Variants in AGBL4 observed in about 807,000 individuals in gnomAD.
AGBL4 encodes AGBL carboxypeptidase 4.
A neutral mutation model predicts 66.4 loss-of-function variants in AGBL4; 58 were observed. The observed-to-expected ratio is 0.87, with a 90% CI of 0.71 to 1.09. AGBL4 has a LOEUF of 1.09. AGBL4 is among the 50% of genes least tolerant of loss of function. The pLI, the probability that AGBL4 is intolerant of heterozygous loss-of-function variation, is 0.00. For synonymous variants in AGBL4, 234 were observed against 222.9 expected (o/e 1.05, Z -0.44); for missense variants, 579 against 631.0 (o/e 0.92, Z 0.88).
intron 2 of AGBL4, among the ~76,000 whole-genome samples, chr1:49,818,021 A>G (rs373807788): frequency 1.3e-5 from 2 of 152,336 alleles, no homozygotes; most frequent in African/African-American, 4.8e-5. Flanking sequence ...TTAGAAAAAA[A>G]TCAATCTTTC....
At chr1:48,859,047 G>T (rs1934387) in intron 6 of AGBL4, among the ~76,000 whole-genome samples, 1,965 of 151,882 alleles carry the variant, frequency 0.013, 38 homozygotes, top group African/African-American at 0.043. Context: ...TCCTTGCTTT[G>T]ATCAAGGATA....
chr1:48,620,407 T>C (rs1418449253), intron 9 of AGBL4, among the ~76,000 whole-genome samples: 1 of 152,046 alleles, frequency 6.6e-6, no homozygotes, highest in African/African-American at 2.4e-5. Context: ...CTCCCTAGTA[T>C]CTAGGACTAC....
Position 49,757,884 on chromosome 1 carries a change from T to G in AGBL4, c.158-60447A>C, listed in dbSNP as rs563778905. ...AATTCAAGCAGTCTGCAGAAATCTG[T>G]ATAAGTAAAGAGGAGCTGAATGTTA... On this transcript the variant is annotated intron_variant, in intron 2 of 13. Coordinates refer to ENST00000371839, the MANE Select transcript of AGBL4 (RefSeq NM_032785.4). Among the ~76,000 whole-genome samples the G allele has an allele frequency of 2.0e-5, 3 of 152,240 alleles. No individual in the cohort carries two copies. In the East Asian group the frequency reaches 5.8e-4, roughly 29 times the overall value.
chr1:49,844,911 G>A, intron 2 of AGBL4: 2 of 1,370,126 alleles, frequency 1.5e-6, no homozygotes, highest in South Asian at 1.2e-5. Flanking sequence ...TTCAGGAGCA[G>A]TGACAGAGGA....
At chr1:49,304,507 T>G (rs1644814510) in intron 3 of AGBL4, among the ~76,000 whole-genome samples, 1 of 152,134 alleles carries the variant, frequency 6.6e-6, no homozygotes, top group Non-Finnish European at 1.5e-5. Flanking sequence ...CTTGACATGG[T>G]GTTTGAAGAA....
At chr1:49,426,467 A>G (rs1423115698) in intron 3 of AGBL4, among the ~76,000 whole-genome samples, 2 of 152,192 alleles carry the variant, frequency 1.3e-5, no homozygotes, top group Non-Finnish European at 2.9e-5. Flanking sequence ...TCTGTTAACT[A>G]TATAAACCAA....
At chr1:49,242,095 T>C (rs1236226341) in intron 4 of AGBL4, among the ~76,000 whole-genome samples, 1 of 152,014 alleles carries the variant, frequency 6.6e-6, no homozygotes, top group African/African-American at 2.4e-5. Flanking sequence ...GCATGCTTTA[T>C]GTGCTACTGA....
intron 6 of AGBL4, among the ~76,000 whole-genome samples, chr1:48,746,383 A>G (rs1466263095): frequency 6.6e-6 from 1 of 152,120 alleles, no homozygotes; most frequent in Non-Finnish European, 1.5e-5. Flanking sequence ...CAGGCCCAGC[A>G]CAGAGCAGGT....
intron 2 of AGBL4, among the ~76,000 whole-genome samples, chr1:49,778,119 C>A (rs1378794864): frequency 2.0e-5 from 3 of 152,152 alleles, no homozygotes; most frequent in African/African-American, 4.8e-5. Context: ...GGCTCCCATC[C>A]TCCATCCATC....
chr1:50,018,624 T>C (rs1662170342), intron 1 of AGBL4, among the ~76,000 whole-genome samples: 1 of 152,126 alleles, frequency 6.6e-6, no homozygotes, highest in Admixed American at 6.5e-5. Flanking sequence ...TCACATCCTC[T>C]GACTTTCTTA....
chr1:49,793,529 G>A (rs1644655860), intron 2 of AGBL4, among the ~76,000 whole-genome samples: 1 of 152,012 alleles, frequency 6.6e-6, no homozygotes, highest in Non-Finnish European at 1.5e-5. Flanking sequence ...CCACAGGTGA[G>A]TTAAAGGAAG....
chr1:48,767,510 C>G (rs1451766836), intron 6 of AGBL4, among the ~76,000 whole-genome samples: 1 of 152,168 alleles, frequency 6.6e-6, no homozygotes, highest in Non-Finnish European at 1.5e-5. Flanking sequence ...AGACAGAACA[C>G]AGGGTGACAA....
intron 2 of AGBL4, among the ~76,000 whole-genome samples, chr1:49,789,415 G>C (rs1474969596): frequency 6.6e-6 from 1 of 152,174 alleles, no homozygotes; most frequent in Non-Finnish European, 1.5e-5. Flanking sequence ...CAGATGACAT[G>C]ATTGTATGTT....
intron 2 of AGBL4, among the ~76,000 whole-genome samples, chr1:49,781,470 C>T (rs1288932154): frequency 6.6e-6 from 1 of 151,980 alleles, no homozygotes; most frequent in African/African-American, 2.4e-5. Context: ...ATATACACCC[C>T]TTACAAGAGA....
intron 2 of AGBL4, among the ~76,000 whole-genome samples, chr1:49,809,819 T>C (rs1053520120): frequency 6.6e-6 from 1 of 152,128 alleles, no homozygotes; most frequent in Admixed American, 6.6e-5. Context: ...CTTATCTATC[T>C]CAAGTACTGC....
chr1:48,861,536 A>C (rs1647474085), intron 6 of AGBL4, among the ~76,000 whole-genome samples: 1 of 152,230 alleles, frequency 6.6e-6, no homozygotes, highest in South Asian at 2.1e-4. Context: ...TACCAAAACA[A>C]TTATATGATG....
chr1:49,193,695 T>C (rs1157669217), intron 4 of AGBL4, among the ~76,000 whole-genome samples: 1 of 143,948 alleles, frequency 6.9e-6, no homozygotes, highest in East Asian at 2.4e-4. Context: ...GCCAGGCTAA[T>C]TTTTTGTATT....
At chr1:48,587,654 A>AT (rs1335942235) in intron 10 of AGBL4, among the ~76,000 whole-genome samples, 3 of 134,202 alleles carry the variant, frequency 2.2e-5, no homozygotes, top group African/African-American at 8.6e-5. Context: ...TATTTTATTT[A>AT]TTTTTTGAGA....
intron 3 of AGBL4, among the ~76,000 whole-genome samples, chr1:49,563,893 C>G (rs1432773112): frequency 1.3e-5 from 2 of 151,050 alleles, no homozygotes; most frequent in East Asian, 3.9e-4. Flanking sequence ...GGTACCAGCT[C>G]CTCCTTGTAC....
Sources: allele counts gnomAD v4.1 joint callset (sites outside exome capture counted in the v4.1 genomes callset), GRCh38; gene constraint gnomAD v4.1.1; transcripts MANE v1.5; gene names NCBI Gene and HGNC (gene_info 2026-07-23, HGNC 2026-07-21).